Variants in CLPX observed in about 807,000 individuals in gnomAD.
CLPX encodes the protein ATP-dependent clpX-like chaperone, mitochondrial.
CLPX carries 34 observed loss-of-function variants against 76.4 expected under a neutral mutation model. The ratio of observed to expected loss-of-function variants is 0.45; its 90% CI spans 0.34 to 0.59. The LOEUF is 0.59. Among genes scored for constraint, CLPX ranks in the 20% least tolerant of loss-of-function variants. CLPX has a pLI of 0.01. For missense variants in CLPX, 613 were observed against 757.0 expected (o/e 0.81, Z 2.23); for synonymous variants, 248 against 270.9 (o/e 0.92, Z 0.83).
intron 3 of CLPX, among the ~76,000 whole-genome samples, chr15:65,177,229 C>T (rs895591361): frequency 3.9e-5 from 6 of 151,964 alleles, no homozygotes; most frequent in African/African-American, 4.8e-5. Context: ...CCACCACGCC[C>T]GGCTAATTTT....
chr15:65,170,289 T>C (rs1212873572), intron 3 of CLPX, among the ~76,000 whole-genome samples: 1 of 151,906 alleles, frequency 6.6e-6, no homozygotes, highest in Non-Finnish European at 1.5e-5. Flanking sequence ...TACATTTTTG[T>C]GTAACCCAAC....
At position 65,185,227 on chromosome 15, in the gene CLPX, G is replaced by C; in HGVS notation, c.-74C>G. 1 of 1,312,358 alleles carries C rather than the reference G, an allele frequency of 7.6e-7. No homozygotes were observed. The highest frequency in any genetic ancestry group is 1.1e-6 in the Non-Finnish European group (1 of 939,492). The allele number at this position is 1,312,358 out of a possible 1,614,324, so 81.3% of individuals were successfully genotyped here. A position where few individuals can be genotyped will look rare whatever the true frequency, so the allele number is the denominator to read the frequency against. ...ACAGCGGCGTGAATCCTGCCCGCAAGGCGCGCTGACTCGGTTCCGAACCCT... is the reference window on the plus strand; with the variant it reads ...ACAGCGGCGTGAATCCTGCCCGCAACGCGCGCTGACTCGGTTCCGAACCCT... On this transcript the variant is annotated 5_prime_UTR_variant, in exon 1 of 14. Coordinates refer to ENST00000300107, the MANE Select transcript of CLPX (RefSeq NM_006660.5).
At position 65,180,718 on chromosome 15, in the gene CLPX, A is replaced by C. The variant is rs149388124; in HGVS notation, c.80-514T>G. 2.7e-3 allele frequency among the ~76,000 whole-genome samples: 410 copies of C among 151,392 alleles called. 12 individuals are homozygous for C. The East Asian group carries it at 0.059, about 22-fold the overall frequency. ...GGAGTTCAAAACCAGCCTGGCCAAC[A>C]TGGTGAAACCCCGTCTCTACTAAAA... On this transcript the variant is annotated intron_variant, in intron 1 of 13. Transcript: ENST00000300107.
chr15:65,182,927 C>T (rs2088194472), intron 1 of CLPX, among the ~76,000 whole-genome samples: 2 of 151,950 alleles, frequency 1.3e-5, no homozygotes, highest in Admixed American at 6.6e-5. Context: ...CTTTGGGAGG[C>T]CAAGGCGGGT....
Position 65,149,406 on chromosome 15 carries a change from C to CA in CLPX, c.*1416dup, listed in dbSNP as rs1280009451. ...ATGAGTATCGCTTGAACCTGGGACT[C>CA]AGAGGTTGCAGTGAGCCAAGATTGT... On this transcript the variant is annotated 3_prime_UTR_variant, in exon 14 of 14. Transcript: ENST00000300107. 2 of 256,358 alleles carry CA rather than the reference C, an allele frequency of 7.8e-6. No individual in the cohort carries two copies. The highest frequency in any genetic ancestry group is 1.3e-4 in the East Asian group (1 of 7,868). 15.9% of individuals were successfully genotyped at this position (256,358 alleles called of 1,614,324 possible). A position where few individuals can be genotyped will look rare whatever the true frequency, so the allele number is the denominator to read the frequency against.
chr15:65,180,317 A>C (rs2088148865), intron 1 of CLPX, 113 bp from the exon 2 acceptor site: 1 of 725,174 alleles, frequency 1.4e-6, no homozygotes, highest in East Asian at 2.8e-5. Flanking sequence ...TTTTCACAGT[A>C]GTATAAACTG....
chr15:65,168,799 T>C (rs1268799769), intron 3 of CLPX, among the ~76,000 whole-genome samples: 2 of 152,002 alleles, frequency 1.3e-5, no homozygotes, highest in East Asian at 3.9e-4. Flanking sequence ...TATAAGGATT[T>C]CTCAATTCCA....
At chr15:65,172,202 A>G (rs1471874417) in intron 3 of CLPX, among the ~76,000 whole-genome samples, 1 of 152,102 alleles carries the variant, frequency 6.6e-6, no homozygotes, top group Non-Finnish European at 1.5e-5. Flanking sequence ...ACCTCAGGTG[A>G]TCCACCCGCC....
intron 9 of CLPX, 30 bp downstream of exon 9, chr15:65,156,814 T>C (rs1215489988): frequency 3.5e-6 from 5 of 1,433,764 alleles, no homozygotes; most frequent in Admixed American, 1.7e-5. Context: ...TTCCTTTTAG[T>C]GGGCTTGAAC....
chr15:65,150,752 G>T lies in CLPX; in HGVS notation c.*71C>A. ...GATAGATCCAATGCCTTTAATATCA[G>T]ACTGTAGAGACAATTATGATCCTAA... is the stretch of plus-strand genomic sequence containing the variant. On this transcript the variant is annotated 3_prime_UTR_variant, in exon 14 of 14. Transcript: ENST00000300107. 6 of 1,054,794 alleles carry T rather than the reference G, an allele frequency of 5.7e-6. No individual in the cohort carries two copies. Among genetic ancestry groups the T allele is most frequent in the Non-Finnish European group, 8.6e-6 (6 of 698,346 alleles). The allele number at this position is 1,054,794 out of a possible 1,614,324, so 65.3% of individuals were successfully genotyped here.
chr15:65,173,365 C>CA (rs35763100), intron 3 of CLPX, among the ~76,000 whole-genome samples: 3,816 of 51,348 alleles, frequency 0.074, 283 homozygotes, highest in African/African-American at 0.19. Flanking sequence ...GACTCTGTCT[C>CA]AAAAAAAAAA....
At chr15:65,167,325 T>A (rs1381476489) in intron 3 of CLPX, among the ~76,000 whole-genome samples, 1 of 152,054 alleles carries the variant, frequency 6.6e-6, no homozygotes, top group African/African-American at 2.4e-5. Flanking sequence ...CGTCTCCGCC[T>A]CCCAAAGTGC....
chr15:65,158,418 T>G (rs2087816258), intron 7 of CLPX, 157 bp downstream of exon 7: 2 of 578,436 alleles, frequency 3.5e-6, no homozygotes, highest in Non-Finnish European at 5.8e-6. Context: ...AAATCCAGTT[T>G]GTATTCTATG....
intron 6 of CLPX, among the ~76,000 whole-genome samples, 153 bp downstream of exon 6, chr15:65,162,451 C>A (rs2087866028): frequency 6.6e-6 from 1 of 152,112 alleles, no homozygotes; most frequent in Non-Finnish European, 1.5e-5. Flanking sequence ...GTTATATATA[C>A]CATGTAGGAT....
At chr15:65,170,538 G>A (rs1275742074) in intron 3 of CLPX, among the ~76,000 whole-genome samples, 1 of 152,072 alleles carries the variant, frequency 6.6e-6, no homozygotes, top group Non-Finnish European at 1.5e-5. Context: ...GCCGAGGCGG[G>A]TGGATCACCT....
chr15:65,168,603 TGGGGGGA>T (rs1287101421), intron 3 of CLPX, among the ~76,000 whole-genome samples: 5 of 29,408 alleles, frequency 1.7e-4, no homozygotes, highest in Admixed American at 5.4e-4. Flanking sequence ...TGTCATGGGG[TGGGGGGA>T]GGGGGGAGGG....
At chr15:65,180,387 G>A (rs2088149848) in intron 1 of CLPX, among the ~76,000 whole-genome samples, 183 bp from the exon 2 acceptor site, 1 of 152,120 alleles carries the variant, frequency 6.6e-6, no homozygotes, top group Non-Finnish European at 1.5e-5. Flanking sequence ...CAGCAGGTCT[G>A]GGCCTCTGAA....
intron 1 of CLPX, 127 bp downstream of exon 1, chr15:65,184,948 G>A (rs2088235059): frequency 1.3e-6 from 1 of 775,370 alleles, no homozygotes; most frequent in Non-Finnish European, 2.2e-6. Flanking sequence ...GCCGGGCGAA[G>A]CGCCGCGCAT....
At position 65,185,112 on chromosome 15, in the gene CLPX, G is replaced by A. The variant is rs369619257; in HGVS notation, c.42C>T (p.Val14=). 336 of 1,583,232 alleles carry A rather than the reference G, an allele frequency of 2.1e-4. 2 individuals carry two copies. In the Middle Eastern group the frequency reaches 3.0e-3, roughly 14 times the overall value. ...AGGCGAGTGAGGAGGTGATGAGCCG[G>A]ACGGCCGCCGCGCCGCAAGTACAAG... ...CGACTCGAAA[V]RLITSSLASA... The change falls in exon 1 of 14, where the codon GTC becomes GTT. Residue 14 remains valine, a synonymous_variant. Transcript: ENST00000300107.
Sources: allele counts gnomAD v4.1 joint callset (sites outside exome capture counted in the v4.1 genomes callset), GRCh38; gene constraint gnomAD v4.1.1; transcripts MANE v1.5; gene names NCBI Gene and HGNC (gene_info 2026-07-23, HGNC 2026-07-21).